The following UIMC1 variants were observed in gnomAD, a reference collection of about 807,000 sequenced individuals.
UIMC1 encodes the protein BRCA1-A complex subunit RAP80.
UIMC1 carries 42 observed loss-of-function variants against 84.9 expected under a neutral mutation model. That is an observed-to-expected ratio of 0.49 (90% CI 0.39 to 0.64). UIMC1 has a LOEUF of 0.64. Among genes scored for constraint, UIMC1 ranks in the 30% least tolerant of loss-of-function variants. The pLI is 0.00. For missense variants in UIMC1, 825 were observed against 847.6 expected (o/e 0.97, Z 0.33); for synonymous variants, 281 against 293.0 (o/e 0.96, Z 0.42).
At chr5:176,953,953 A>G (rs972370446) in intron 8 of UIMC1, among the ~76,000 whole-genome samples, 3 of 152,216 alleles carry the variant, frequency 2.0e-5, no homozygotes, top group East Asian at 1.9e-4. Flanking sequence ...TCTAAATTAT[A>G]TATTTAAAAA....
At chr5:176,946,474 T>C (rs183848265) in intron 9 of UIMC1, among the ~76,000 whole-genome samples, 1 of 151,992 alleles carries the variant, frequency 6.6e-6, no homozygotes, top group East Asian at 1.9e-4. Context: ...ATCCCGCCAC[T>C]GCACTCCAGC....
chr5:177,014,739 A>C (rs1775637379), intron 1 of UIMC1, among the ~76,000 whole-genome samples: 1 of 152,148 alleles, frequency 6.6e-6, no homozygotes, highest in African/African-American at 2.4e-5. Flanking sequence ...GAATAGAATG[A>C]ATAAAGGCAA....
In UIMC1 at chr5:176,996,585, C is replaced by G. The variant is rs147478711; in HGVS notation, c.-9+10065G>C. On this transcript the variant is annotated intron_variant, in intron 1 of 14. Transcript: ENST00000511320. ...CATAAAACAAACTAAGAAATGTTCA[C>G]TCATGAAAACGACTGAACTTTGGGT... 2.7e-3 allele frequency among the ~76,000 whole-genome samples: 407 copies of G among 152,284 alleles called. 2 individuals are homozygous for G. The highest frequency in any genetic ancestry group is 9.5e-3 in the African/African-American group (396 of 41,522).
chr5:176,976,763 G>A (rs1397426720), intron 2 of UIMC1, among the ~76,000 whole-genome samples: 1 of 152,244 alleles, frequency 6.6e-6, no homozygotes, highest in Admixed American at 6.5e-5. Context: ...GTTGTCAAGG[G>A]CTAGGGGTTT....
chr5:176,910,868 A>C (rs1044218106), intron 11 of UIMC1, among the ~76,000 whole-genome samples: 1 of 152,190 alleles, frequency 6.6e-6, no homozygotes, highest in Non-Finnish European at 1.5e-5. Context: ...AGGCAGGCCA[A>C]TCACCTGAGG....
At chr5:176,937,756 C>T (rs1300121589) in intron 10 of UIMC1, among the ~76,000 whole-genome samples, 2 of 152,184 alleles carry the variant, frequency 1.3e-5, no homozygotes, top group Non-Finnish European at 2.9e-5. Flanking sequence ...ACAGCCAAAC[C>T]AAGCACGTCT....
At chr5:176,987,815 C>A (rs1251097987) in intron 1 of UIMC1, among the ~76,000 whole-genome samples, 1 of 151,584 alleles carries the variant, frequency 6.6e-6, no homozygotes, top group African/African-American at 2.4e-5. Flanking sequence ...CAGAGCAAGA[C>A]CCTGTCTCAC....
intron 6 of UIMC1, among the ~76,000 whole-genome samples, chr5:176,958,631 T>C (rs1271014328): frequency 1.3e-5 from 2 of 152,212 alleles, no homozygotes; most frequent in Non-Finnish European, 2.9e-5. Flanking sequence ...AACACTGCAA[T>C]CTATGATCTT....
At chr5:176,911,551 G>A (rs889837061) in intron 10 of UIMC1, among the ~76,000 whole-genome samples, 162 bp from the exon 11 acceptor site, 3 of 152,158 alleles carry the variant, frequency 2.0e-5, no homozygotes, top group Admixed American at 6.5e-5. Flanking sequence ...TGAGAATAGC[G>A]ATTGTAACAT....
chr5:176,930,115 C>A (rs898238861), intron 10 of UIMC1, among the ~76,000 whole-genome samples: 1 of 152,086 alleles, frequency 6.6e-6, no homozygotes, highest in Admixed American at 6.5e-5. Context: ...GAACCCATTA[C>A]CCAACTTAGG....
intron 8 of UIMC1, among the ~76,000 whole-genome samples, chr5:176,952,442 GA>G (rs1197957220): frequency 1.3e-5 from 2 of 152,180 alleles, no homozygotes; most frequent in African/African-American, 2.4e-5. Context: ...TCAGGGGCCA[GA>G]AAACTAGATA....
At chr5:176,932,431 A>C (rs1025945394) in intron 10 of UIMC1, among the ~76,000 whole-genome samples, 12 of 152,338 alleles carry the variant, frequency 7.9e-5, no homozygotes, top group Admixed American at 7.8e-4. Context: ...AATATAAATA[A>C]TTTCAAACGG....
chr5:176,998,382 T>G (rs1220765865), intron 1 of UIMC1, among the ~76,000 whole-genome samples: 1 of 141,540 alleles, frequency 7.1e-6, no homozygotes, highest in East Asian at 2.2e-4. Flanking sequence ...AAGAATCACT[T>G]GAACCCAGGA....
intron 10 of UIMC1, among the ~76,000 whole-genome samples, chr5:176,914,948 A>G (rs1333412364): frequency 6.6e-6 from 1 of 152,226 alleles, no homozygotes; most frequent in Non-Finnish European, 1.5e-5. Flanking sequence ...GTGCCTTGCT[A>G]AAATCCATTC....
At chr5:177,018,215 G>C (rs1255835802) in intron 1 of UIMC1, among the ~76,000 whole-genome samples, 1 of 151,988 alleles carries the variant, frequency 6.6e-6, no homozygotes, top group Non-Finnish European at 1.5e-5. Flanking sequence ...GCTTGGTGTG[G>C]TGGTGCACAC....
chr5:176,932,228 C>G (rs895421047), intron 10 of UIMC1, among the ~76,000 whole-genome samples: 16 of 152,290 alleles, frequency 1.1e-4, no homozygotes, highest in Middle Eastern at 3.4e-3. Context: ...GAAGAATCTA[C>G]TTTATAGCTG....
intron 7 of UIMC1, among the ~76,000 whole-genome samples, chr5:176,957,737 G>C (rs540785713): frequency 6.6e-6 from 1 of 152,282 alleles, no homozygotes; most frequent in East Asian, 1.9e-4. Context: ...AGAATAGAAG[G>C]ACTATAAAGA....
At chr5:176,944,403 T>C (rs539162311) in intron 9 of UIMC1, among the ~76,000 whole-genome samples, 1 of 152,334 alleles carries the variant, frequency 6.6e-6, no homozygotes, top group African/African-American at 2.4e-5. Context: ...CCTACACAGG[T>C]TGATCAGAGC....
chr5:176,999,060 T>C (rs1014373479), intron 1 of UIMC1, among the ~76,000 whole-genome samples: 11 of 151,982 alleles, frequency 7.2e-5, no homozygotes, highest in Admixed American at 3.9e-4. Flanking sequence ...GGCATGGTGT[T>C]GCATACCTGT....
Sources: allele counts gnomAD v4.1 joint callset (sites outside exome capture counted in the v4.1 genomes callset), GRCh38; gene constraint gnomAD v4.1.1; transcripts MANE v1.5; gene names NCBI Gene and HGNC (gene_info 2026-07-23, HGNC 2026-07-21).